Variants in ATAD2 observed in about 807,000 individuals in gnomAD.
ATAD2 encodes ATPase family AAA domain-containing protein 2.
ATAD2 carries 62 observed loss-of-function variants against 168.9 expected under a neutral mutation model. That is an observed-to-expected ratio of 0.37 (90% CI 0.30 to 0.45). ATAD2 has a LOEUF of 0.45. ATAD2 is among the 20% of genes least tolerant of loss of function. The probability of loss-of-function intolerance (pLI) is 1.00; values close to 1 mark genes in which losing one functional copy is unlikely to be tolerated. For synonymous variants in ATAD2, 613 were observed against 571.6 expected, an observed-to-expected ratio of 1.07 and a Z score of -1.03; for missense variants, 1,419 against 1,667.8, an observed-to-expected ratio of 0.85 and a Z score of 2.60.
intron 12 of ATAD2, among the ~76,000 whole-genome samples, chr8:123,356,705 T>C (rs1390890866): frequency 6.6e-6 from 1 of 151,396 alleles, no homozygotes; most frequent in Admixed American, 6.6e-5. Context: ...TGGAGTGCAG[T>C]GGCGTGATCT....
intron 19 of ATAD2, among the ~76,000 whole-genome samples, chr8:123,341,350 A>G (rs1006535093): frequency 6.6e-6 from 1 of 152,178 alleles, no homozygotes; most frequent in Non-Finnish European, 1.5e-5. Context: ...CATCCATACA[A>G]AGTTCACCTA....
intron 24 of ATAD2, among the ~76,000 whole-genome samples, chr8:123,329,094 C>G (rs1264183667): frequency 4.6e-5 from 7 of 152,236 alleles, no homozygotes; most frequent in Non-Finnish European, 1.5e-5. Flanking sequence ...AGCCACCGCA[C>G]CCGGCCTATC....
intron 1 of ATAD2, among the ~76,000 whole-genome samples, chr8:123,390,584 T>C (rs1397888653): frequency 6.6e-6 from 1 of 152,250 alleles, no homozygotes; most frequent in Non-Finnish European, 1.5e-5. Context: ...GCTTTAAGTT[T>C]TTAAAATCTC....
intron 27 of ATAD2, among the ~76,000 whole-genome samples, chr8:123,321,981 A>AT (rs1243573001): frequency 6.8e-6 from 1 of 147,538 alleles, no homozygotes; most frequent in Non-Finnish European, 1.5e-5. Flanking sequence ...GATTAAGTAC[A>AT]TAAGTCTTTT....
Position 123,357,578 on chromosome 8 carries a change from C to CGTAG in ATAD2, c.1537_1540dup (p.Arg514ProfsTer6). The stretch of plus-strand genomic sequence containing the variant: ...ATATCATACCTGATCAAACAGCAAT[C>CGTAG]GTAGCTGTCTTTCAGATTCTCCTAC... On this transcript the variant is annotated frameshift_variant, in exon 12 of 28. Transcript: ENST00000287394. LOFTEE classifies it high-confidence loss of function. 6.2e-7 allele frequency: 1 copy of CGTAG among 1,612,914 alleles called. No individual in the cohort carries two copies. The highest frequency in any genetic ancestry group is 8.5e-7 in the Non-Finnish European group (1 of 1,179,598).
chr8:123,328,392 C>G lies in ATAD2; in HGVS notation c.3666G>C (p.Ser1222=). 1.2e-6 allele frequency: 2 copies of G among 1,602,902 alleles called. No homozygotes were observed. ...HNETGNTGES[S]VEENEKQQNA... Reference sequence around the variant, plus strand: ...TTTGCTGTTTTTCATTTTCTTCCACCGAAGACTCTCCTGTGTTTCCGGTCT... The same window carrying G: ...TTTGCTGTTTTTCATTTTCTTCCACGGAAGACTCTCCTGTGTTTCCGGTCT... Residue 1222 remains serine, a synonymous_variant, in exon 25 of 28, where the codon TCG becomes TCC. Coordinates refer to ENST00000287394, the MANE Select transcript of ATAD2 (RefSeq NM_014109.4).
At chr8:123,369,362 G>A (rs1054359375) in intron 7 of ATAD2, 187 bp from the exon 8 acceptor site, 1 of 219,160 alleles carries the variant, frequency 4.6e-6, no homozygotes, top group Non-Finnish European at 8.6e-6. Flanking sequence ...ATGTCCAGAG[G>A]GTTGCAGCTG....
intron 11 of ATAD2, among the ~76,000 whole-genome samples, chr8:123,358,558 G>A (rs759777114): frequency 4.6e-5 from 7 of 152,004 alleles, no homozygotes; most frequent in Non-Finnish European, 1.0e-4. Context: ...ATGTTGGCCA[G>A]GCTAGTCTTG....
chr8:123,335,404 T>C lies in ATAD2; in HGVS notation c.3211+969A>G, dbSNP rs187222006. On this transcript the variant is annotated intron_variant, in intron 22 of 27. Transcript: ENST00000287394. ...AGGGAAAGAATAGTAAGCTTTTCAA[T>C]TGTTGAAAAAAATTTTAGTAGTTTC... Among the ~76,000 whole-genome samples, 190 of 152,292 alleles carry C rather than the reference T, an allele frequency of 1.2e-3. 1 individual carries two copies. The Middle Eastern group carries it at 0.014, about 11-fold the overall frequency.
At chr8:123,352,003 C>T (rs1408632782) in intron 13 of ATAD2, among the ~76,000 whole-genome samples, 1 of 152,144 alleles carries the variant, frequency 6.6e-6, no homozygotes, top group Non-Finnish European at 1.5e-5. Context: ...CCGCCTTGGC[C>T]TCCCAAAGTG....
chr8:123,350,556 A>AT (rs948482906), intron 13 of ATAD2, among the ~76,000 whole-genome samples: 57 of 151,874 alleles, frequency 3.8e-4, no homozygotes, highest in African/African-American at 1.2e-3. Context: ...TGCCTCTTAC[A>AT]TTTTTTTTCC....
chr8:123,340,687 C>T (rs923319123), intron 19 of ATAD2, among the ~76,000 whole-genome samples: 2 of 152,164 alleles, frequency 1.3e-5, no homozygotes, highest in African/African-American at 4.8e-5. Flanking sequence ...GAAAACATTA[C>T]ACTAAATAAG....
chr8:123,385,645 T>C (rs973779186), intron 1 of ATAD2, among the ~76,000 whole-genome samples: 15 of 152,104 alleles, frequency 9.9e-5, no homozygotes, highest in Non-Finnish European at 1.5e-5. Context: ...AATAAAAATA[T>C]GTAAGTTAGA....
In ATAD2 at chr8:123,320,591, G is replaced by A. The variant is rs1827440580; in HGVS notation, c.*543C>T. On this transcript the variant is annotated 3_prime_UTR_variant, in exon 28 of 28. Coordinates refer to ENST00000287394, the MANE Select transcript of ATAD2 (RefSeq NM_014109.4). ...TGTGATACTCAAGTACAGAATTGTG[G>A]TGCAGCCAGAAGTGGTTCAAGAGCC... 6.6e-6 allele frequency: 1 copy of A among 152,352 alleles called. No individual in the cohort carries two copies. Among genetic ancestry groups the A allele is most frequent in the South Asian group, 2.1e-4 (1 of 4,828 alleles). The allele number at this position is 152,352 out of a possible 1,614,324, so 9.4% of individuals were successfully genotyped here.
intron 24 of ATAD2, among the ~76,000 whole-genome samples, chr8:123,331,120 T>C (rs900767074): frequency 6.6e-6 from 1 of 152,170 alleles, no homozygotes; most frequent in African/African-American, 2.4e-5. Flanking sequence ...GTTGTATTTT[T>C]AGTAGAGACG....
At chr8:123,406,382 CAAAAAAAA>C (rs34085644) in intron 1 of ATAD2, among the ~76,000 whole-genome samples, 2 of 90,856 alleles carry the variant, frequency 2.2e-5, no homozygotes, top group Non-Finnish European at 4.1e-5. Context: ...ACTGTCTCAC[CAAAAAAAA>C]AAAAAAAAAA....
intron 27 of ATAD2, among the ~76,000 whole-genome samples, chr8:123,321,770 A>G (rs553038074): frequency 1.6e-3 from 250 of 152,092 alleles, no homozygotes; most frequent in Non-Finnish European, 2.1e-3. Flanking sequence ...CTCCATCTCT[A>G]CAAAAAATTT....
chr8:123,321,015 T>G lies in ATAD2; in HGVS notation c.*119A>C. 1.2e-6 allele frequency: 1 copy of G among 857,496 alleles called. No individual in the cohort carries two copies. The highest frequency in any genetic ancestry group is 1.6e-5 in the South Asian group (1 of 63,334). 53.1% of individuals were successfully genotyped at this position (857,496 alleles called of 1,614,324 possible). A position where few individuals can be genotyped will look rare whatever the true frequency, so the allele number is the denominator to read the frequency against. On this transcript the variant is annotated 3_prime_UTR_variant, in exon 28 of 28. Coordinates refer to ENST00000287394, the MANE Select transcript of ATAD2 (RefSeq NM_014109.4). ...TCAGGAAAGTTTAAATACTTTTATT[T>G]TACTATTTTAATCTTTTCCTTAAAG...
intron 1 of ATAD2, among the ~76,000 whole-genome samples, chr8:123,388,184 A>G (rs1157387787): frequency 6.6e-6 from 1 of 152,086 alleles, no homozygotes; most frequent in Non-Finnish European, 1.5e-5. Context: ...ATTCTACAGA[A>G]CTGATCACTA....
Sources: allele counts gnomAD v4.1 joint callset (sites outside exome capture counted in the v4.1 genomes callset), GRCh38; gene constraint gnomAD v4.1.1; transcripts MANE v1.5; gene names NCBI Gene and HGNC (gene_info 2026-07-23, HGNC 2026-07-21).